Variants in SHB observed in about 807,000 individuals in gnomAD.
The protein encoded by SHB is SH2 domain-containing adapter protein B.
SHB carries 20 observed loss-of-function variants against 52.3 expected under a neutral mutation model. The observed-to-expected ratio is 0.38, with a 90% CI of 0.27 to 0.56. The LOEUF is 0.56. Among genes scored for constraint, SHB ranks in the 20% least tolerant of loss-of-function variants. The pLI is 0.71. For synonymous variants in SHB, 397 were observed against 316.5 expected, an observed-to-expected ratio of 1.25 and a Z score of -2.70; for missense variants, 825 against 723.3, an observed-to-expected ratio of 1.14 and a Z score of -1.61.
intron 5 of SHB, among the ~76,000 whole-genome samples, chr9:37,924,182 C>T (rs1284982017): frequency 6.6e-6 from 1 of 152,234 alleles, no homozygotes; most frequent in African/African-American, 2.4e-5. Context: ...GGAGCTGTCA[C>T]AGGCGTTCAG....
At chr9:38,045,685 T>A (rs1305651308) in intron 1 of SHB, among the ~76,000 whole-genome samples, 1 of 152,076 alleles carries the variant, frequency 6.6e-6, no homozygotes, top group Non-Finnish European at 1.5e-5. Context: ...TGAACCTGAC[T>A]ATACAACGTG....
intron 2 of SHB, among the ~76,000 whole-genome samples, chr9:38,012,475 A>G (rs1821151910): frequency 6.6e-6 from 1 of 151,702 alleles, no homozygotes. Context: ...AGTACTAGAG[A>G]GCTTACCAGC....
At chr9:37,995,465 G>T (rs910605296) in intron 2 of SHB, among the ~76,000 whole-genome samples, 3 of 152,096 alleles carry the variant, frequency 2.0e-5, no homozygotes, top group African/African-American at 7.2e-5. Context: ...CCCAGCTCTG[G>T]CCACTGTCAG....
chr9:38,030,143 T>C (rs1319693288), intron 1 of SHB, among the ~76,000 whole-genome samples: 5 of 152,208 alleles, frequency 3.3e-5, no homozygotes, highest in African/African-American at 9.6e-5. Flanking sequence ...GCTATCTGGC[T>C]GGACCCAGCT....
chr9:37,932,455 G>A (rs1832323690), intron 5 of SHB, among the ~76,000 whole-genome samples: 1 of 148,002 alleles, frequency 6.8e-6, no homozygotes, highest in Admixed American at 7.0e-5. Flanking sequence ...CATGCAGGAT[G>A]AACAAGTCTA....
intron 5 of SHB, among the ~76,000 whole-genome samples, chr9:37,923,230 G>A (rs538462471): frequency 9.8e-5 from 15 of 152,348 alleles, no homozygotes; most frequent in South Asian, 8.3e-4. Context: ...CAGAGGGGGC[G>A]GATGAGAGGC....
At chr9:38,034,174 C>T (rs1821453154) in intron 1 of SHB, among the ~76,000 whole-genome samples, 1 of 152,152 alleles carries the variant, frequency 6.6e-6, no homozygotes. Context: ...GGGAAGTGTA[C>T]TAACGCCCCT....
chr9:37,994,818 A>G (rs1470010882), intron 2 of SHB, among the ~76,000 whole-genome samples: 2 of 152,096 alleles, frequency 1.3e-5, no homozygotes, highest in Non-Finnish European at 2.9e-5. Context: ...TTCTTTCATA[A>G]TATCAGTCAT....
At chr9:38,055,045 C>T (rs868054885) in intron 1 of SHB, among the ~76,000 whole-genome samples, 1 of 152,194 alleles carries the variant, frequency 6.6e-6, no homozygotes, top group Non-Finnish European at 1.5e-5. Flanking sequence ...CTGGCTGTAT[C>T]TCCAGAAATT....
intron 2 of SHB, among the ~76,000 whole-genome samples, chr9:37,992,970 T>C (rs1005519764): frequency 1.6e-4 from 25 of 152,058 alleles, no homozygotes; most frequent in African/African-American, 5.6e-4. Flanking sequence ...CAGCAGTCAA[T>C]AGGTTTCTCT....
At chr9:37,998,456 T>C (rs568252580) in intron 2 of SHB, among the ~76,000 whole-genome samples, 1 of 152,302 alleles carries the variant, frequency 6.6e-6, no homozygotes, top group Non-Finnish European at 1.5e-5. Context: ...AAATCCTATT[T>C]TGTTTATTTA....
At chr9:38,030,608 G>A (rs1564105939) in intron 1 of SHB, among the ~76,000 whole-genome samples, 1 of 152,294 alleles carries the variant, frequency 6.6e-6, no homozygotes, top group East Asian at 1.9e-4. Context: ...ACAGGTGAGT[G>A]GCCTGTGCAG....
chr9:37,937,941 T>C (rs1832392661), intron 5 of SHB, among the ~76,000 whole-genome samples: 1 of 152,120 alleles, frequency 6.6e-6, no homozygotes, highest in African/African-American at 2.4e-5. Context: ...TCAACTCCCT[T>C]TGGGCTCTGA....
intron 1 of SHB, among the ~76,000 whole-genome samples, chr9:38,050,723 T>C (rs113823951): frequency 4.6e-5 from 7 of 152,316 alleles, no homozygotes; most frequent in African/African-American, 1.2e-4. Context: ...AACTAGAAGC[T>C]GCCGAATGTT....
chr9:37,942,350 C>A (rs1236326029), intron 5 of SHB, among the ~76,000 whole-genome samples: 1 of 152,206 alleles, frequency 6.6e-6, no homozygotes, highest in African/African-American at 2.4e-5. Flanking sequence ...TTCCTGCCAT[C>A]CTTGGACTGA....
chr9:37,933,885 G>A (rs2118479481), intron 5 of SHB, among the ~76,000 whole-genome samples: 1 of 152,328 alleles, frequency 6.6e-6, no homozygotes, highest in South Asian at 2.1e-4. Flanking sequence ...GCAGGCCAAG[G>A]CCACTGCTTC....
chr9:38,057,413 T>A (rs1433685038), intron 1 of SHB, among the ~76,000 whole-genome samples: 2 of 152,230 alleles, frequency 1.3e-5, no homozygotes, highest in African/African-American at 4.8e-5. Context: ...TGAGTTTTGC[T>A]TACTTATTAT....
At chr9:37,978,107 TA>T (rs1670844182) in intron 2 of SHB, among the ~76,000 whole-genome samples, 1 of 152,100 alleles carries the variant, frequency 6.6e-6, no homozygotes, top group Non-Finnish European at 1.5e-5. Context: ...ACAGTAGTGA[TA>T]AAGGATCTGG....
chr9:38,023,915 G>T (rs1475702762), intron 1 of SHB, among the ~76,000 whole-genome samples: 2 of 152,146 alleles, frequency 1.3e-5, no homozygotes, highest in Non-Finnish European at 2.9e-5. Flanking sequence ...CCTCAGCTTT[G>T]ACTATCATCA....
Sources: allele counts gnomAD v4.1 joint callset (sites outside exome capture counted in the v4.1 genomes callset), GRCh38; gene constraint gnomAD v4.1.1; transcripts MANE v1.5; gene names NCBI Gene and HGNC (gene_info 2026-07-23, HGNC 2026-07-21).